Variants in NPAS3 observed in about 807,000 individuals in gnomAD.
NPAS3 encodes the protein neuronal PAS domain protein 3.
A neutral mutation model predicts 73.1 loss-of-function variants in NPAS3; 14 were observed. The ratio of observed to expected loss-of-function variants is 0.19; its 90% CI spans 0.13 to 0.30. The LOEUF (loss-of-function observed/expected upper bound fraction) is 0.30. Among genes scored for constraint, NPAS3 ranks in the 10% least tolerant of loss-of-function variants. The pLI is 1.00. For missense variants in NPAS3, 1,096 were observed against 1,250.0 expected (o/e 0.88, Z 1.86); for synonymous variants, 620 against 541.5 (o/e 1.14, Z -2.01).
chr14:33,119,932 A>G (rs2043181048), intron 2 of NPAS3, among the ~76,000 whole-genome samples: 1 of 152,134 alleles, frequency 6.6e-6, no homozygotes, highest in Admixed American at 6.6e-5. Flanking sequence ...TAACCAAGCC[A>G]TTTAACATTA....
intron 6 of NPAS3, among the ~76,000 whole-genome samples, chr14:33,710,720 C>T (rs568643468): frequency 4.6e-5 from 7 of 152,288 alleles, no homozygotes; most frequent in African/African-American, 1.7e-4. Flanking sequence ...GGCTGAGTGT[C>T]CCTAGGACAT....
intron 2 of NPAS3, among the ~76,000 whole-genome samples, chr14:33,138,692 A>C (rs144558749): frequency 9.8e-5 from 15 of 152,326 alleles, no homozygotes; most frequent in African/African-American, 3.4e-4. Context: ...AGAGGGAATG[A>C]GACAGGGTTC....
At chr14:33,407,352 TA>T (rs1219481545) in intron 4 of NPAS3, among the ~76,000 whole-genome samples, 1 of 152,136 alleles carries the variant, frequency 6.6e-6, no homozygotes, top group Non-Finnish European at 1.5e-5. Flanking sequence ...GTACTACTTG[TA>T]AAGCTCCTCA....
At chr14:33,789,665 T>A (rs1430966959) in intron 9 of NPAS3, among the ~76,000 whole-genome samples, 4 of 136,326 alleles carry the variant, frequency 2.9e-5, no homozygotes, top group Non-Finnish European at 6.2e-5. Context: ...CTCGGCTCAC[T>A]GCAAGCTCCG....
At chr14:33,639,854 G>T (rs2058626687) in intron 5 of NPAS3, among the ~76,000 whole-genome samples, 1 of 152,086 alleles carries the variant, frequency 6.6e-6, no homozygotes, top group Non-Finnish European at 1.5e-5. Context: ...GTGAACTGAG[G>T]CACAAGTCCT....
At chr14:33,222,555 T>C (rs555685479) in intron 3 of NPAS3, among the ~76,000 whole-genome samples, 1 of 152,318 alleles carries the variant, frequency 6.6e-6, no homozygotes, top group Admixed American at 6.5e-5. Flanking sequence ...TGTTACATTA[T>C]TCTGTTGGTT....
chr14:33,553,745 T>C, intron 4 of NPAS3, among the ~76,000 whole-genome samples: 1 of 152,220 alleles, frequency 6.6e-6, no homozygotes, highest in Admixed American at 6.5e-5. Flanking sequence ...CTTAGATTCT[T>C]ATTCCTGAAA....
chr14:33,611,633 G>T (rs2057752494), intron 5 of NPAS3, among the ~76,000 whole-genome samples: 2 of 152,116 alleles, frequency 1.3e-5, no homozygotes, highest in Non-Finnish European at 2.9e-5. Context: ...CATTTTCCTT[G>T]AATACATATT....
intron 1 of NPAS3, among the ~76,000 whole-genome samples, chr14:33,020,214 T>C (rs1352926804): frequency 1.3e-5 from 2 of 152,142 alleles, no homozygotes; most frequent in Non-Finnish European, 1.5e-5. Flanking sequence ...AAGAAATCAG[T>C]ATCAATTAAT....
intron 4 of NPAS3, among the ~76,000 whole-genome samples, chr14:33,374,001 C>T (rs922026117): frequency 1.3e-5 from 2 of 152,084 alleles, no homozygotes; most frequent in African/African-American, 4.8e-5. Context: ...AAATAACCCT[C>T]TTGTTCAGGA....
At chr14:33,407,684 G>A (rs1009020341) in intron 4 of NPAS3, among the ~76,000 whole-genome samples, 8 of 151,926 alleles carry the variant, frequency 5.3e-5, no homozygotes, top group South Asian at 2.1e-4. Context: ...ATTTTTCTCC[G>A]CTCTCCGTTT....
At chr14:33,597,161 C>A (rs534346682) in intron 5 of NPAS3, among the ~76,000 whole-genome samples, 236 of 152,328 alleles carry the variant, frequency 1.5e-3, no homozygotes, top group Admixed American at 3.1e-3. Context: ...TTTTCTCTTT[C>A]TCTTCCCCTT....
At chr14:33,402,794 C>T (rs1373177934) in intron 4 of NPAS3, among the ~76,000 whole-genome samples, 1 of 152,164 alleles carries the variant, frequency 6.6e-6, no homozygotes, top group Non-Finnish European at 1.5e-5. Flanking sequence ...GCTGTAGAGG[C>T]CTTGGGCACT....
At chr14:33,000,500 T>C (rs2038766552) in intron 1 of NPAS3, among the ~76,000 whole-genome samples, 1 of 152,212 alleles carries the variant, frequency 6.6e-6, no homozygotes. Flanking sequence ...TGTGAGTTGT[T>C]ATGTATCTGG....
intron 7 of NPAS3, among the ~76,000 whole-genome samples, chr14:33,767,400 C>G (rs1454401031): frequency 1.3e-5 from 2 of 151,996 alleles, no homozygotes; most frequent in Non-Finnish European, 2.9e-5. Flanking sequence ...GAGCCCCCGT[C>G]ACTTAAAAAT....
intron 2 of NPAS3, among the ~76,000 whole-genome samples, chr14:33,208,328 T>C (rs2046906666): frequency 6.6e-6 from 1 of 152,192 alleles, no homozygotes; most frequent in Non-Finnish European, 1.5e-5. Flanking sequence ...ACTATTCTAA[T>C]GACTCATTCT....
intron 4 of NPAS3, among the ~76,000 whole-genome samples, chr14:33,521,897 C>T (rs59337511): frequency 0.039 from 5,933 of 151,692 alleles, 358 homozygotes; most frequent in African/African-American, 0.14. Context: ...CGGAGCTTTT[C>T]TTTTCCTCTC....
At chr14:33,552,718 T>C (rs1177689694) in intron 4 of NPAS3, among the ~76,000 whole-genome samples, 1 of 152,088 alleles carries the variant, frequency 6.6e-6, no homozygotes, top group Admixed American at 6.6e-5. Flanking sequence ...TACCCGCGTG[T>C]GAGTGAACAG....
At position 33,230,613 on chromosome 14, in the gene NPAS3, A is replaced by G. The variant is rs548057595; in HGVS notation, c.385+15187A>G. Among the ~76,000 whole-genome samples, 11 of 152,308 alleles carry G rather than the reference A, an allele frequency of 7.2e-5. No homozygotes were observed. In the South Asian group the frequency reaches 2.3e-3, roughly 32 times the overall value. On this transcript the variant is annotated intron_variant, in intron 3 of 11. Transcript: ENST00000356141. Reference sequence around the variant, plus strand: ...CAAAATGACATAACATTTAATACAGACTTATTCTATAAGGGTGACACGGAG... The same window carrying G: ...CAAAATGACATAACATTTAATACAGGCTTATTCTATAAGGGTGACACGGAG...
Sources: gnomAD v4.1 joint callset for allele counts (sites outside exome capture counted in the v4.1 genomes callset) on GRCh38, gnomAD v4.1.1 for gene constraint, MANE v1.5 for transcripts, NCBI Gene and HGNC (gene_info 2026-07-23, HGNC 2026-07-21) for gene names.